Variants in SPECC1 observed in about 807,000 individuals in gnomAD.
The protein encoded by SPECC1 is sperm antigen with calponin homology and coiled-coil domains 1.
In SPECC1, 62 loss-of-function variants were observed where a neutral mutation model predicts 104.1. That is an observed-to-expected ratio of 0.60 (90% CI 0.49 to 0.74). The LOEUF (loss-of-function observed/expected upper bound fraction) is 0.74, where lower values mean the gene tolerates loss of function less well. Among genes scored for constraint, SPECC1 ranks in the 30% least tolerant of loss-of-function variants. SPECC1 has a pLI of 0.00. For synonymous variants in SPECC1, 513 were observed against 501.6 expected (o/e 1.02, Z -0.30); for missense variants, 1,306 against 1,310.5 (o/e 1.00, Z 0.05).
chr17:20,097,325 T>C (rs1166221009), intron 2 of SPECC1, among the ~76,000 whole-genome samples: 1 of 152,216 alleles, frequency 6.6e-6, no homozygotes, highest in Non-Finnish European at 1.5e-5. Context: ...TTTCTTTACA[T>C]GAGAGGCTCT....
intron 12 of SPECC1, among the ~76,000 whole-genome samples, chr17:20,278,023 T>C (rs977398302): frequency 8.5e-5 from 13 of 152,098 alleles, no homozygotes; most frequent in Non-Finnish European, 2.9e-5. Flanking sequence ...GATCGCCTGC[T>C]ACCATGGCTT....
Position 20,204,603 on chromosome 17 carries a change from A to G in SPECC1, c.554A>G (p.Asn185Ser), listed in dbSNP as rs2036647515. 1.2e-6 allele frequency: 2 copies of G among 1,614,116 alleles called. No individual in the cohort carries two copies. Among genetic ancestry groups the G allele is most frequent in the South Asian group, 1.1e-5 (1 of 91,088 alleles). The change falls in exon 4 of 15, where the codon AAC (asparagine) becomes AGC (serine). Residue 185 changes from asparagine (N) to serine (S), a missense_variant. Asn to Ser is a conservative substitution (Grantham distance 46). This residue lies in a region of SPECC1 where 1,177 missense variants were observed against 1,139.9 expected (regional missense o/e 1.03). Transcript: ENST00000395527. ...GCCAAAGCAAAAGATAGTGAAATTA[A>G]CAGGCTTCGAAGTGAACTAAAGAAA... Reference protein sequence around the residue: ...AEAKAKDSEINRLRSELKKYK... With the variant: ...AEAKAKDSEISRLRSELKKYK...
chr17:20,260,840 G>A (rs2040000263), intron 12 of SPECC1, among the ~76,000 whole-genome samples: 1 of 152,042 alleles, frequency 6.6e-6, no homozygotes, highest in Non-Finnish European at 1.5e-5. Context: ...AGGGGTAGGG[G>A]ATGTGGGTCA....
At chr17:20,051,112 CTTTCTTTCTTTCTTTCTTTCT>C (rs1567813484) in intron 1 of SPECC1, among the ~76,000 whole-genome samples, 208 of 131,416 alleles carry the variant, frequency 1.6e-3, no homozygotes, top group African/African-American at 5.0e-3. Flanking sequence ...TTCTTTCTTT[CTTTCTTTCTTTCTTTCTTTCT>C]TTCTTTCCTT....
intron 13 of SPECC1, among the ~76,000 whole-genome samples, chr17:20,302,491 C>G (rs2041621418): frequency 6.6e-6 from 1 of 152,094 alleles, no homozygotes; most frequent in Non-Finnish European, 1.5e-5. Context: ...AATGAAAGAG[C>G]ATTGGGATAA....
intron 1 of SPECC1, among the ~76,000 whole-genome samples, chr17:20,048,399 C>T (rs1004976301): frequency 7.9e-5 from 12 of 151,888 alleles, no homozygotes; most frequent in Admixed American, 7.2e-4. Context: ...TCCCAAAGTG[C>T]TGGGATTACA....
In SPECC1 at chr17:20,128,675, G is replaced by C. The variant is rs1019122766; in HGVS notation, c.283+18113G>C. The stretch of plus-strand genomic sequence containing the variant: ...TTCATCTTTTTTTTAATCAGTAATG[G>C]GTGAATTTTGTGTGGTGAATTTTAT... On this transcript the variant is annotated intron_variant, in intron 3 of 14. Coordinates refer to ENST00000395527, the MANE Select transcript of SPECC1 (RefSeq NM_001243439.2). 3.3e-5 allele frequency among the ~76,000 whole-genome samples: 5 copies of C among 151,980 alleles called. No homozygotes were observed. The East Asian group carries it at 9.7e-4, about 29-fold the overall frequency.
chr17:20,104,020 A>G (rs757533512), intron 2 of SPECC1, among the ~76,000 whole-genome samples: 1 of 152,188 alleles, frequency 6.6e-6, no homozygotes, highest in Non-Finnish European at 1.5e-5. Context: ...GCCCTAGGCT[A>G]TGAGTGGTGG....
At chr17:20,159,821 A>G (rs1231949414) in intron 3 of SPECC1, among the ~76,000 whole-genome samples, 5 of 152,164 alleles carry the variant, frequency 3.3e-5, no homozygotes, top group African/African-American at 9.7e-5. Flanking sequence ...TCAGTTTCCA[A>G]CCAGGTTGTC....
At chr17:20,040,143 C>T (rs1220654857) in intron 1 of SPECC1, among the ~76,000 whole-genome samples, 1 of 151,116 alleles carries the variant, frequency 6.6e-6, no homozygotes, top group Non-Finnish European at 1.5e-5. Context: ...TGCTGTATTA[C>T]ATTATATGTA....
intron 13 of SPECC1, among the ~76,000 whole-genome samples, chr17:20,298,980 G>GTGTGTGTGTGTGTGT (rs1567617368): frequency 3.5e-5 from 1 of 28,308 alleles, no homozygotes; most frequent in Non-Finnish European, 6.2e-5. Context: ...TGTATGTAGA[G>GTGTGTGTGTGTGTGT]AGAGAGAGAG....
intron 1 of SPECC1, among the ~76,000 whole-genome samples, chr17:20,016,942 A>G (rs1340835557): frequency 6.6e-6 from 1 of 152,228 alleles, no homozygotes; most frequent in African/African-American, 2.4e-5. Flanking sequence ...TTGTAAATAC[A>G]CCAGTCAGCA....
chr17:20,193,054 A>C (rs1224829124), intron 3 of SPECC1, among the ~76,000 whole-genome samples: 1 of 152,134 alleles, frequency 6.6e-6, no homozygotes, highest in Admixed American at 6.5e-5. Flanking sequence ...TTTTATGGTT[A>C]TTTTTTAATG....
intron 14 of SPECC1, among the ~76,000 whole-genome samples, chr17:20,309,822 T>C (rs1440382706): frequency 1.6e-3 from 233 of 146,370 alleles, no homozygotes; most frequent in East Asian, 7.1e-3. Flanking sequence ...TTTCTTTTTT[T>C]TTTTTTTTTT....
intron 1 of SPECC1, among the ~76,000 whole-genome samples, chr17:20,019,446 A>T (rs1463160128): frequency 6.6e-6 from 1 of 152,072 alleles, no homozygotes; most frequent in African/African-American, 2.4e-5. Context: ...TGAGTGGAGA[A>T]CATTTCCTGA....
At chr17:20,217,736 CA>C (rs2151417564) in intron 4 of SPECC1, among the ~76,000 whole-genome samples, 2 of 152,304 alleles carry the variant, frequency 1.3e-5, no homozygotes, top group East Asian at 3.9e-4. Context: ...ATCTAAAATG[CA>C]TTACTTCTTT....
At position 20,296,996 on chromosome 17, in the gene SPECC1, C is replaced by T. The variant is rs746085803; in HGVS notation, c.2976C>T (p.Ser992=). 38 of 1,614,030 alleles carry T rather than the reference C, an allele frequency of 2.4e-5. No individual in the cohort carries two copies. The highest frequency in any genetic ancestry group is 3.0e-5 in the Non-Finnish European group (35 of 1,180,038). ...TCACCAATTTCAGCAGCAGCTGGAG[C>T]GATGGCCTGGCCTTCTGTGCTCTGC... The part of the protein sequence containing the change: ...IDITNFSSSW[S]DGLAFCALLH... Residue 992 remains serine (S), a synonymous_variant, in exon 13 of 15, where the codon AGC becomes AGT. Transcript: ENST00000395527.
intron 13 of SPECC1, among the ~76,000 whole-genome samples, chr17:20,298,570 C>T (rs1398710995): frequency 2.0e-5 from 3 of 152,148 alleles, no homozygotes; most frequent in Non-Finnish European, 4.4e-5. Flanking sequence ...GGCGACAGAG[C>T]TTCCCCACAG....
At chr17:20,177,440 C>G (rs1375514521) in intron 3 of SPECC1, among the ~76,000 whole-genome samples, 1 of 152,070 alleles carries the variant, frequency 6.6e-6, no homozygotes, top group Non-Finnish European at 1.5e-5. Context: ...AAAATAAAAT[C>G]ATTCAAAGCC....
Sources: gnomAD v4.1 joint callset for allele counts (sites outside exome capture counted in the v4.1 genomes callset) on GRCh38, gnomAD v4.1.1 for gene constraint, gnomAD v4.1.1 regional missense constraint, MANE v1.5 for transcripts, NCBI Gene and HGNC (gene_info 2026-07-23, HGNC 2026-07-21) for gene names.